Variants in CLVS1 observed in about 807,000 individuals in gnomAD.
CLVS1 encodes clavesin-1.
A neutral mutation model predicts 33.1 loss-of-function variants in CLVS1; 10 were observed. That is an observed-to-expected ratio of 0.30 (90% CI 0.19 to 0.51). CLVS1 has a LOEUF of 0.51. CLVS1 is among the 20% of genes least tolerant of loss of function. The pLI, the probability that CLVS1 is intolerant of heterozygous loss-of-function variation, is 0.97. For synonymous variants in CLVS1, 163 were observed against 166.1 expected (o/e 0.98, Z 0.14); for missense variants, 343 against 433.4 (o/e 0.79, Z 1.85).
At chr8:61,221,503 G>GT (rs1344510245) in intron 2 of CLVS1, among the ~76,000 whole-genome samples, 17 of 152,188 alleles carry the variant, frequency 1.1e-4, no homozygotes, top group African/African-American at 4.1e-4. Flanking sequence ...ATTTGTGTAT[G>GT]TTGAATAAGC....
chr8:60,989,451 T>A, the CLVS1 span, among the ~76,000 whole-genome samples: 2 of 152,130 alleles, frequency 1.3e-5, no homozygotes, highest in African/African-American at 4.8e-5. Flanking sequence ...TGCAGATTCT[T>A]AACAGAGCAT....
chr8:61,348,812 T>C (rs1160125652), intron 2 of CLVS1, among the ~76,000 whole-genome samples: 1 of 152,182 alleles, frequency 6.6e-6, no homozygotes, highest in Non-Finnish European at 1.5e-5. Flanking sequence ...TTTTTCATAA[T>C]GGTTGTACTA....
At chr8:61,190,617 A>G (rs1807450195) in intron 2 of CLVS1, among the ~76,000 whole-genome samples, 1 of 152,224 alleles carries the variant, frequency 6.6e-6, no homozygotes, top group Non-Finnish European at 1.5e-5. Flanking sequence ...CAAAATTGAT[A>G]GACCTCTAGC....
chr8:61,320,782 C>T (rs1023776797), intron 2 of CLVS1, among the ~76,000 whole-genome samples: 3 of 152,120 alleles, frequency 2.0e-5, no homozygotes, highest in Non-Finnish European at 4.4e-5. Flanking sequence ...TCCAAAGGCT[C>T]CACCTTCTAA....
chr8:61,398,190 T>G (rs1287970925), intron 3 of CLVS1, among the ~76,000 whole-genome samples: 1 of 151,134 alleles, frequency 6.6e-6, no homozygotes, highest in South Asian at 2.1e-4. Flanking sequence ...ACTTTTTTTT[T>G]TTTTTTTTTG....
chr8:61,034,908 G>T, the CLVS1 span, among the ~76,000 whole-genome samples: 9 of 152,238 alleles, frequency 5.9e-5, no homozygotes, highest in East Asian at 1.7e-3. Context: ...CAGATGTTCT[G>T]GATCATAGAT....
intron 5 of CLVS1, among the ~76,000 whole-genome samples, chr8:61,467,879 T>C (rs1262402187): frequency 1.3e-5 from 2 of 152,196 alleles, no homozygotes; most frequent in South Asian, 4.1e-4. Flanking sequence ...TTAGATGTCA[T>C]TTAGGGATCG....
intron 1 of CLVS1, among the ~76,000 whole-genome samples, chr8:61,065,022 G>A (rs2129278813): frequency 6.6e-6 from 1 of 152,218 alleles, no homozygotes; most frequent in South Asian, 2.1e-4. Context: ...ATTTTTTAAA[G>A]GACTAATATG....
intron 2 of CLVS1, among the ~76,000 whole-genome samples, chr8:61,171,427 T>C (rs1487670202): frequency 1.3e-5 from 2 of 152,194 alleles, no homozygotes; most frequent in African/African-American, 4.8e-5. Context: ...AATCTTACCT[T>C]GTAAATCTTG....
chr8:61,329,230 A>G (rs1246945093), intron 2 of CLVS1, among the ~76,000 whole-genome samples: 1 of 141,254 alleles, frequency 7.1e-6, no homozygotes, highest in Non-Finnish European at 1.5e-5. Context: ...TCTCTCTCTC[A>G]TCTCCTTGCT....
At chr8:61,121,373 C>A (rs1343282062) in intron 1 of CLVS1, among the ~76,000 whole-genome samples, 2 of 152,112 alleles carry the variant, frequency 1.3e-5, no homozygotes, top group Non-Finnish European at 2.9e-5. Flanking sequence ...AGAGCTGTTC[C>A]TATTCGGCCA....
At chr8:61,349,249 C>A (rs1003774836) in intron 2 of CLVS1, among the ~76,000 whole-genome samples, 10 of 151,866 alleles carry the variant, frequency 6.6e-5, no homozygotes, top group African/African-American at 2.2e-4. Context: ...TTTCCCTTTT[C>A]TTGCTTGTGC....
At chr8:61,426,445 C>T (rs1236787388) in intron 3 of CLVS1, among the ~76,000 whole-genome samples, 6 of 152,116 alleles carry the variant, frequency 3.9e-5, no homozygotes, top group Admixed American at 3.9e-4. Context: ...GTGTCTCTGC[C>T]CCATCCCAAC....
intron 2 of CLVS1, among the ~76,000 whole-genome samples, chr8:61,342,487 G>A (rs557638465): frequency 3.3e-5 from 5 of 152,294 alleles, no homozygotes; most frequent in South Asian, 2.1e-4. Context: ...GCGCCATTCC[G>A]CTTTTCGCAC....
At chr8:61,056,265 G>A (rs895818668), upstream of CLVS1, among the ~76,000 whole-genome samples, 1 of 152,042 alleles carries the variant, frequency 6.6e-6, no homozygotes, top group Non-Finnish European at 1.5e-5. Flanking sequence ...TACTAATTGG[G>A]GTAGGTCCCA....
intron 2 of CLVS1, among the ~76,000 whole-genome samples, chr8:61,371,187 A>G (rs1206652377): frequency 6.6e-6 from 1 of 152,136 alleles, no homozygotes; most frequent in Non-Finnish European, 1.5e-5. Context: ...CCATTCTTGC[A>G]GGAGTAAGTT....
intron 2 of CLVS1, among the ~76,000 whole-genome samples, chr8:61,258,742 A>G (rs1334494758): frequency 1.3e-5 from 2 of 152,248 alleles, no homozygotes; most frequent in African/African-American, 4.8e-5. Flanking sequence ...GGGAGTTGTA[A>G]GTGAATTTCT....
intron 2 of CLVS1, among the ~76,000 whole-genome samples, chr8:61,270,219 A>T (rs958007165): frequency 6.6e-6 from 1 of 152,180 alleles, no homozygotes; most frequent in Admixed American, 6.5e-5. Flanking sequence ...AGTTTTTAGC[A>T]TGAAGGGTTG....
At chr8:61,197,011 A>G (rs544913743) in intron 2 of CLVS1, among the ~76,000 whole-genome samples, 8 of 152,288 alleles carry the variant, frequency 5.3e-5, no homozygotes, top group African/African-American at 1.9e-4. Flanking sequence ...ATCCATGTAG[A>G]CAGCACTCTA....
Sources: allele counts gnomAD v4.1 joint callset (sites outside exome capture counted in the v4.1 genomes callset), GRCh38; gene constraint gnomAD v4.1.1; transcripts MANE v1.5; gene names NCBI Gene and HGNC (gene_info 2026-07-23, HGNC 2026-07-21).